The following SMURF1 variants were observed in gnomAD, a reference collection of about 807,000 sequenced individuals.
The protein encoded by SMURF1 is E3 ubiquitin-protein ligase SMURF1.
A neutral mutation model predicts 98.0 loss-of-function variants in SMURF1; 44 were observed. The observed-to-expected ratio is 0.45, with a 90% CI of 0.35 to 0.58. The LOEUF is 0.58. Among genes scored for constraint, SMURF1 ranks in the 20% least tolerant of loss-of-function variants. SMURF1 has a pLI of 0.00. For missense variants in SMURF1, 687 were observed against 938.4 expected (o/e 0.73, Z 3.50); for synonymous variants, 396 against 374.9 (o/e 1.06, Z -0.65).
intron 17 of SMURF1, among the ~76,000 whole-genome samples, chr7:99,031,988 A>G (rs766374014): frequency 1.3e-5 from 2 of 152,228 alleles, no homozygotes; most frequent in African/African-American, 2.4e-5. Context: ...TTTTAAGTTA[A>G]AATTTAGGAA....
In SMURF1 at chr7:99,085,367, AAAAAGAAAAG is replaced by A. The variant is rs1194759464; in HGVS notation, c.56-23540_56-23531del. 2.6e-3 allele frequency among the ~76,000 whole-genome samples: 395 copies of A among 150,946 alleles called. 6 individuals are homozygous for A. The highest frequency in any genetic ancestry group is 3.9e-3 in the Non-Finnish European group (264 of 67,796). On this transcript the variant is annotated intron_variant, in intron 1 of 17. Coordinates refer to ENST00000361368, the MANE Select transcript of SMURF1 (RefSeq NM_181349.3). ...AAACTCCATCTCAAAAAAAAAAAAAAAAAAGAAAAGAAAAGAAAAGAAAAAGAAAGTCTCC... is the reference window on the plus strand; with the variant it reads ...AAACTCCATCTCAAAAAAAAAAAAAAAAAAGAAAAGAAAAAGAAAGTCTCC...
At chr7:99,037,535 G>A (rs753559696) in intron 14 of SMURF1, among the ~76,000 whole-genome samples, 2 of 152,124 alleles carry the variant, frequency 1.3e-5, no homozygotes, top group South Asian at 2.1e-4. Flanking sequence ...CACTGCGCCC[G>A]ACCTGTGAGC....
chr7:99,079,326 G>C (rs1297912608), intron 1 of SMURF1, among the ~76,000 whole-genome samples: 1 of 152,232 alleles, frequency 6.6e-6, no homozygotes, highest in Admixed American at 6.5e-5. Flanking sequence ...CAGGCTGGCA[G>C]GTGACTGAAG....
intron 1 of SMURF1, among the ~76,000 whole-genome samples, chr7:99,074,225 G>A (rs1796400498): frequency 6.6e-6 from 1 of 152,244 alleles, no homozygotes; most frequent in African/African-American, 2.4e-5. Flanking sequence ...CATGAAGAAG[G>A]TGACTGGGGA....
At chr7:99,142,118 A>G (rs540690258) in intron 1 of SMURF1, among the ~76,000 whole-genome samples, 10 of 152,298 alleles carry the variant, frequency 6.6e-5, no homozygotes, top group African/African-American at 2.2e-4. Flanking sequence ...CCGGGGGGAA[A>G]CAGGTTGGCA....
At chr7:99,143,396 GAGGGGCGGGGCCAGGGAAGGAGATGCA>G in intron 1 of SMURF1, among the ~76,000 whole-genome samples, 1 of 140,500 alleles carries the variant, frequency 7.1e-6, no homozygotes. Flanking sequence ...AAAGAGAAGC[GAGGGGCGGGGCCAGGGAAGGAGATGCA>G]AGGGGCGTGG....
In SMURF1 at chr7:99,037,130, C is replaced by T; in HGVS notation, c.1746G>A (p.Gln582=). Residue 582 remains glutamine (Q), a synonymous_variant, in exon 15 of 18, where the codon CAG becomes CAA. Transcript: ENST00000361368. ...RGIEAQFLAL[Q]KGFNELIPQH... ...GAGGGATGAGCTCATTGAACCCCTT[C>T]TGCAGAGCTAAGAACTGGGCTTCGA... 6.2e-7 allele frequency: 1 copy of T among 1,614,196 alleles called. No individual in the cohort carries two copies. Among genetic ancestry groups the T allele is most frequent in the Non-Finnish European group, 8.5e-7 (1 of 1,180,042 alleles).
intron 1 of SMURF1, among the ~76,000 whole-genome samples, chr7:99,115,968 C>G (rs939718384): frequency 1.3e-5 from 2 of 151,950 alleles, no homozygotes; most frequent in Admixed American, 1.3e-4. Flanking sequence ...CCAGTATCAC[C>G]CAGATACCAA....
At chr7:99,139,082 G>A (rs1358062722) in intron 1 of SMURF1, among the ~76,000 whole-genome samples, 1 of 152,156 alleles carries the variant, frequency 6.6e-6, no homozygotes, top group Admixed American at 6.5e-5. Flanking sequence ...TTCTTAGCTG[G>A]TACAAATTGA....
At chr7:99,097,548 A>T (rs1055152911) in intron 1 of SMURF1, among the ~76,000 whole-genome samples, 44 of 152,320 alleles carry the variant, frequency 2.9e-4, no homozygotes, top group African/African-American at 9.1e-4. Flanking sequence ...TTGCCCTTCC[A>T]TCTTTCACTA....
At chr7:99,141,987 G>A (rs1463502513) in intron 1 of SMURF1, among the ~76,000 whole-genome samples, 1 of 152,190 alleles carries the variant, frequency 6.6e-6, no homozygotes, top group Admixed American at 6.5e-5. Flanking sequence ...TCCCGGAGCA[G>A]AGCCGCATTT....
At chr7:99,035,399 C>T in intron 16 of SMURF1, 116 bp downstream of exon 16, 1 of 1,206,016 alleles carries the variant, frequency 8.3e-7, no homozygotes. Context: ...GGAGAACATT[C>T]CTTATGCCAT....
At chr7:99,041,348 G>A (rs765615107) in intron 12 of SMURF1, among the ~76,000 whole-genome samples, 2 of 152,168 alleles carry the variant, frequency 1.3e-5, no homozygotes, top group Admixed American at 6.5e-5. Flanking sequence ...GTTGCAGTGA[G>A]CAGAGATCAT....
At chr7:99,039,438 T>A (rs1795288886) in intron 13 of SMURF1, among the ~76,000 whole-genome samples, 1 of 151,908 alleles carries the variant, frequency 6.6e-6, no homozygotes, top group South Asian at 2.1e-4. Flanking sequence ...CTCTGCCTCC[T>A]GGGTTGAAGC....
chr7:99,068,817 C>T (rs1796256855), intron 1 of SMURF1, among the ~76,000 whole-genome samples: 1 of 152,122 alleles, frequency 6.6e-6, no homozygotes, highest in South Asian at 2.1e-4. Context: ...CCAGCTACCT[C>T]CCAGAGTTTA....
At chr7:99,084,806 C>T (rs898224244) in intron 1 of SMURF1, among the ~76,000 whole-genome samples, 1 of 152,130 alleles carries the variant, frequency 6.6e-6, no homozygotes, top group Non-Finnish European at 1.5e-5. Flanking sequence ...GGTATGGGTC[C>T]CCCCGCAAAT....
At chr7:99,102,016 A>G (rs1052800590) in intron 1 of SMURF1, among the ~76,000 whole-genome samples, 5 of 152,154 alleles carry the variant, frequency 3.3e-5, no homozygotes, top group East Asian at 1.9e-4. Flanking sequence ...GGCACATTCA[A>G]AGACTTTTAA....
chr7:99,072,721 C>T (rs1353272558), intron 1 of SMURF1, among the ~76,000 whole-genome samples: 1 of 152,206 alleles, frequency 6.6e-6, no homozygotes, highest in Non-Finnish European at 1.5e-5. Flanking sequence ...CCACACGTGG[C>T]TATGAAAACC....
intron 1 of SMURF1, among the ~76,000 whole-genome samples, chr7:99,118,660 A>G (rs1456966749): frequency 3.3e-5 from 5 of 152,174 alleles, no homozygotes; most frequent in Non-Finnish European, 7.4e-5. Flanking sequence ...GTGACTGCTA[A>G]ATGAGTATTG....
Sources: gnomAD v4.1 joint callset for allele counts (sites outside exome capture counted in the v4.1 genomes callset) on GRCh38, gnomAD v4.1.1 for gene constraint, MANE v1.5 for transcripts, NCBI Gene and HGNC (gene_info 2026-07-23, HGNC 2026-07-21) for gene names.